ROBO1: variants seen among roughly 807,000 people sequenced by gnomAD.
ROBO1 encodes the protein roundabout homolog 1.
A neutral mutation model predicts 195.9 loss-of-function variants in ROBO1; 149 were observed. That is an observed-to-expected ratio of 0.76 (90% confidence interval 0.67 to 0.87). The LOEUF is 0.87. Ranked by LOEUF, ROBO1 falls within the 40% of genes least tolerant of loss-of-function variation. The probability of loss-of-function intolerance (pLI) is 0.00; values close to 1 mark genes in which losing one functional copy is unlikely to be tolerated. For synonymous variants in ROBO1, 816 were observed against 733.2 expected, an observed-to-expected ratio of 1.11 and a Z score of -1.82; for missense variants, 1,933 against 2,068.3, an observed-to-expected ratio of 0.93 and a Z score of 1.27.
At chr3:79,597,025 A>G (rs1242904495) in intron 1 of ROBO1, among the ~76,000 whole-genome samples, 1 of 152,048 alleles carries the variant, frequency 6.6e-6, no homozygotes, top group African/African-American at 2.4e-5. Flanking sequence ...TGGTGAGAAA[A>G]AAGAACACGG....
At chr3:79,640,283 G>C (rs1945617653) in intron 1 of ROBO1, among the ~76,000 whole-genome samples, 1 of 151,810 alleles carries the variant, frequency 6.6e-6, no homozygotes, top group South Asian at 2.1e-4. Flanking sequence ...TATGACATTA[G>C]CTTAAAATAT....
At chr3:78,884,595 A>G (rs1443620353) in intron 4 of ROBO1, among the ~76,000 whole-genome samples, 2 of 147,776 alleles carry the variant, frequency 1.4e-5, no homozygotes, top group South Asian at 2.1e-4. Context: ...GGGAGAAAGA[A>G]AGAAAGAGAG....
chr3:79,199,718 C>T (rs970271931), intron 2 of ROBO1, among the ~76,000 whole-genome samples: 2 of 151,604 alleles, frequency 1.3e-5, no homozygotes, highest in African/African-American at 2.4e-5. Context: ...ATGAGATATA[C>T]ATTTTTAGGA....
chr3:79,501,274 C>A (rs1359695665), intron 2 of ROBO1, among the ~76,000 whole-genome samples: 2 of 152,228 alleles, frequency 1.3e-5, no homozygotes, highest in Middle Eastern at 3.4e-3. Flanking sequence ...CTACCTCTGC[C>A]CTACAGAATT....
At chr3:78,893,516 G>C (rs2037033369) in intron 4 of ROBO1, among the ~76,000 whole-genome samples, 1 of 152,056 alleles carries the variant, frequency 6.6e-6, no homozygotes. Context: ...CTCAGTCTTA[G>C]ATATTTTATT....
chr3:78,774,488 T>A (rs2083456163), intron 4 of ROBO1, among the ~76,000 whole-genome samples: 1 of 152,052 alleles, frequency 6.6e-6, no homozygotes, highest in South Asian at 2.1e-4. Flanking sequence ...TTTTTTGTAT[T>A]TTTAGTAGAG....
intron 4 of ROBO1, among the ~76,000 whole-genome samples, chr3:78,855,423 G>T (rs1022232729): frequency 6.6e-6 from 1 of 152,094 alleles, no homozygotes; most frequent in East Asian, 1.9e-4. Context: ...GCAGAGCCTG[G>T]GCAACTGTAA....
chr3:79,559,750 C>T (rs530005416), intron 2 of ROBO1, among the ~76,000 whole-genome samples: 1 of 152,168 alleles, frequency 6.6e-6, no homozygotes, highest in African/African-American at 2.4e-5. Context: ...AACCCCGTCT[C>T]TACTAAAAAC....
rs549001502 is a variant in ROBO1, at chr3:78,678,000, A to T, written c.1343-7699T>A. ...TCTCAGACCACAGTGCAATCAAACT[A>T]GAACTCAGGATTAAGAAACTCACTC... On this transcript the variant is annotated intron_variant, in intron 10 of 30. Coordinates refer to ENST00000464233, the MANE Select transcript of ROBO1 (RefSeq NM_002941.4). Among the ~76,000 whole-genome samples, 258 of 152,126 alleles carry T rather than the reference A, an allele frequency of 1.7e-3. 2 individuals carry two copies. The highest frequency in any genetic ancestry group is 6.0e-3 in the African/African-American group (249 of 41,532).
chr3:78,744,169 C>A (rs1008299057), intron 5 of ROBO1, among the ~76,000 whole-genome samples: 3 of 152,200 alleles, frequency 2.0e-5, no homozygotes, highest in Non-Finnish European at 4.4e-5. Context: ...GGCATCTATA[C>A]CATTTCAGTT....
intron 1 of ROBO1, among the ~76,000 whole-genome samples, chr3:79,723,913 G>A (rs1702804802): frequency 6.6e-6 from 1 of 152,124 alleles, no homozygotes; most frequent in Non-Finnish European, 1.5e-5. Flanking sequence ...ACTGACAGAA[G>A]TACAGAAATA....
intron 4 of ROBO1, among the ~76,000 whole-genome samples, chr3:78,923,467 T>C (rs1424672154): frequency 6.6e-6 from 1 of 152,124 alleles, no homozygotes; most frequent in Non-Finnish European, 1.5e-5. Flanking sequence ...GAATTGTAGA[T>C]TGCCACCAGA....
chr3:78,614,648 C>T lies in ROBO1; in HGVS notation c.4435G>A (p.Asp1479Asn), dbSNP rs777087008. ...GHLRRETYTD[D>N]LPPPPVPPPA... Reference sequence around the variant, plus strand: ...TTTTCATCCGTGTCAATGGACTCACCATCTGTGTAGGTTTCTCTGCGCAGA... The same window carrying T: ...TTTTCATCCGTGTCAATGGACTCACTATCTGTGTAGGTTTCTCTGCGCAGA... Residue 1479 changes from aspartate (D) to asparagine (N), a missense_variant and splice_region_variant, in exon 28 of 31, where the codon GAT becomes AAT. Asp to Asn is a conservative substitution (Grantham distance 23). Around this residue, in one of 3 missense-constraint regions of ROBO1, gnomAD observed 1,737 missense variants for 1,882.5 expected, o/e 0.92. Coordinates refer to ENST00000464233, the MANE Select transcript of ROBO1 (RefSeq NM_002941.4). The T allele has an allele frequency of 6.2e-7, 1 of 1,613,098 alleles. No homozygotes were observed. Among genetic ancestry groups the T allele is most frequent in the Non-Finnish European group, 8.5e-7 (1 of 1,179,438 alleles).
chr3:79,719,062 A>G (rs891769934), intron 1 of ROBO1, among the ~76,000 whole-genome samples: 3 of 152,078 alleles, frequency 2.0e-5, no homozygotes, highest in Non-Finnish European at 2.9e-5. Flanking sequence ...TTTATACTCA[A>G]TGGCAGATCC....
At chr3:78,645,330 T>C (rs1706207657) in intron 21 of ROBO1, among the ~76,000 whole-genome samples, 1 of 152,008 alleles carries the variant, frequency 6.6e-6, no homozygotes, top group African/African-American at 2.4e-5. Flanking sequence ...CTAGTAGCAG[T>C]CATGTTATAC....
At chr3:79,275,592 A>G (rs1287395120) in intron 2 of ROBO1, among the ~76,000 whole-genome samples, 1 of 151,932 alleles carries the variant, frequency 6.6e-6, no homozygotes, top group Admixed American at 6.6e-5. Context: ...GCCCACTTTC[A>G]CCACTTTTAC....
chr3:79,069,309 T>A (rs151194705), intron 3 of ROBO1, among the ~76,000 whole-genome samples: 57 of 152,008 alleles, frequency 3.7e-4, no homozygotes, highest in African/African-American at 1.3e-3. Context: ...CATTTATTGT[T>A]TTGGAACCTG....
intron 4 of ROBO1, among the ~76,000 whole-genome samples, chr3:78,877,521 A>G (rs1303221460): frequency 2.6e-5 from 4 of 152,246 alleles, no homozygotes; most frequent in Non-Finnish European, 5.9e-5. Context: ...TCAAACAGAT[A>G]TTCAGATATC....
chr3:79,243,465 T>C (rs1036942921), intron 2 of ROBO1, among the ~76,000 whole-genome samples: 1 of 152,074 alleles, frequency 6.6e-6, no homozygotes, highest in Non-Finnish European at 1.5e-5. Flanking sequence ...GTAAAAGTGT[T>C]CCTATTTCTC....
Sources: gnomAD v4.1 joint callset for allele counts (sites outside exome capture counted in the v4.1 genomes callset) on GRCh38, gnomAD v4.1.1 for gene constraint, gnomAD v4.1.1 regional missense constraint, MANE v1.5 for transcripts, NCBI Gene and HGNC (gene_info 2026-07-23, HGNC 2026-07-21) for gene names.